The following CHLSN variants were observed in gnomAD, a reference collection of about 807,000 sequenced individuals.
CHLSN encodes the protein protein cholesin.
At chr7:1,002,110 A>G in the CHLSN span, among the ~76,000 whole-genome samples, 332 of 32,288 alleles carry the variant, frequency 0.01, no homozygotes, top group Middle Eastern at 0.031. Context: ...TGTGGGTGGG[A>G]AGTCCTGTGG....
the CHLSN span, among the ~76,000 whole-genome samples, chr7:1,068,784 GA>G: frequency 6.6e-6 from 1 of 152,148 alleles, no homozygotes; most frequent in Non-Finnish European, 1.5e-5. Context: ...TCAAATACCT[GA>G]AAAGCCCCTG....
At chr7:1,115,805 A>C in the CHLSN span, among the ~76,000 whole-genome samples, 1 of 119,016 alleles carries the variant, frequency 8.4e-6, no homozygotes, top group Non-Finnish European at 1.8e-5. Context: ...CCCACGCAGG[A>C]TGACATCACT....
At chr7:987,127 G>C in the CHLSN span, 59 of 1,566,042 alleles carry the variant, frequency 3.8e-5, no homozygotes, top group Non-Finnish European at 4.9e-5. Context: ...CCGAGGGCCT[G>C]TTTGCTGAGG....
chr7:1,101,675 G>A, the CHLSN span, among the ~76,000 whole-genome samples: 2 of 152,178 alleles, frequency 1.3e-5, no homozygotes, highest in Admixed American at 6.5e-5. Context: ...CCCTGCCCAC[G>A]GCGTGCCTCC....
chr7:1,080,085 T>G, the CHLSN span, among the ~76,000 whole-genome samples: 3 of 152,214 alleles, frequency 2.0e-5, no homozygotes, highest in Non-Finnish European at 4.4e-5. Flanking sequence ...TAGGACCCTT[T>G]GCTTTCCCTG....
the CHLSN span, chr7:1,021,660 C>T: frequency 1.3e-5 from 11 of 818,036 alleles, no homozygotes; most frequent in Non-Finnish European, 1.6e-5. Flanking sequence ...GCAGTGCCCT[C>T]TGGGAACCCC....
chr7:1,082,745 C>T, the CHLSN span, among the ~76,000 whole-genome samples: 1 of 152,216 alleles, frequency 6.6e-6, no homozygotes, highest in African/African-American at 2.4e-5. Flanking sequence ...ATCTCGTAAC[C>T]CTCTGGACAC....
chr7:1,021,688 C>A, the CHLSN span: 1 of 382,956 alleles, frequency 2.6e-6, no homozygotes, highest in Non-Finnish European at 3.6e-6. Context: ...CGGCTGGAGG[C>A]AGGACACCAC....
the CHLSN span, among the ~76,000 whole-genome samples, chr7:1,080,260 A>G: frequency 2.0e-5 from 3 of 152,258 alleles, no homozygotes; most frequent in Admixed American, 6.5e-5. Context: ...GTGAACATTT[A>G]AAGCAGCTTT....
At chr7:1,074,782 C>T in the CHLSN span, 1 of 152,496 alleles carries the variant, frequency 6.6e-6, no homozygotes, top group Non-Finnish European at 1.5e-5. Flanking sequence ...GAGGTGAGGC[C>T]CGCGCCTGGG....
At chr7:1,016,709 CAGCGCACAG>C in the CHLSN span, among the ~76,000 whole-genome samples, 1 of 133,402 alleles carries the variant, frequency 7.5e-6, no homozygotes, top group Non-Finnish European at 1.6e-5. Context: ...CAGCACACGC[CAGCGCACAG>C]CAGCACACAG....
the CHLSN span, among the ~76,000 whole-genome samples, chr7:1,051,545 C>T: frequency 1.3e-5 from 2 of 152,260 alleles, no homozygotes; most frequent in Non-Finnish European, 2.9e-5. Context: ...GGCCCAGGCC[C>T]AGCCTTGAAG....
the CHLSN span, among the ~76,000 whole-genome samples, chr7:1,084,206 G>A: frequency 6.6e-6 from 1 of 152,244 alleles, no homozygotes; most frequent in African/African-American, 2.4e-5. Context: ...GGCTGCTGGT[G>A]CATGTCTCCT....
chr7:983,247 G>C, the CHLSN span: 2 of 1,532,258 alleles, frequency 1.3e-6, no homozygotes, highest in Non-Finnish European at 1.8e-6. Flanking sequence ...TGGGCCTCCT[G>C]GGGCTCTGGG....
chr7:1,042,965 T>C, the CHLSN span, among the ~76,000 whole-genome samples: 1 of 151,944 alleles, frequency 6.6e-6, no homozygotes, highest in Non-Finnish European at 1.5e-5. Context: ...AAATTTAAAA[T>C]GCATGGCCGG....
At chr7:1,122,015 C>T in the CHLSN span, among the ~76,000 whole-genome samples, 68 of 152,328 alleles carry the variant, frequency 4.5e-4, 1 homozygote, top group African/African-American at 1.6e-3. Context: ...CACCTTGACA[C>T]ATGGACCCTG....
chr7:1,105,330 C>T, the CHLSN span, among the ~76,000 whole-genome samples: 3 of 152,220 alleles, frequency 2.0e-5, no homozygotes, highest in Admixed American at 6.5e-5. Flanking sequence ...GGTGCTGGCC[C>T]GGTTCTGCCG....
the CHLSN span, chr7:1,088,330 C>G: frequency 6.6e-6 from 1 of 152,358 alleles, no homozygotes; most frequent in African/African-American, 2.4e-5. This position sits in a 1 kb window ranked among gnomAD's most constrained non-coding sequence, Gnocchi z 4.5. Context: ...AGGTAGGACT[C>G]AGCCTCGGCC....
the CHLSN span, among the ~76,000 whole-genome samples, chr7:1,094,308 G>A: frequency 6.6e-6 from 1 of 152,344 alleles, no homozygotes; most frequent in African/African-American, 2.4e-5. Context: ...ACCAGTGCCT[G>A]CTTCTCCGTC....
Sources: allele counts gnomAD v4.1 joint callset (sites outside exome capture counted in the v4.1 genomes callset), GRCh38; gene constraint gnomAD v4.1.1; non-coding constraint Gnocchi (gnomAD v3.1); transcripts MANE v1.5; gene names NCBI Gene and HGNC (gene_info 2026-07-23, HGNC 2026-07-21).